RBFOX1: variants seen among roughly 807,000 people sequenced by gnomAD.
RBFOX1 encodes RNA binding fox-1 homolog 1.
Under a neutral mutation model 57.7 loss-of-function variants are expected in RBFOX1, and 8 were observed. That is an observed-to-expected ratio of 0.14 (90% CI 0.08 to 0.25). The LOEUF (loss-of-function observed/expected upper bound fraction) is 0.25. Ranked by LOEUF, RBFOX1 falls within the 10% of genes least tolerant of loss-of-function variation. The pLI is 1.00. For synonymous variants in RBFOX1, 326 were observed against 222.4 expected, an observed-to-expected ratio of 1.47 and a Z score of -4.15; for missense variants, 611 against 548.5, an observed-to-expected ratio of 1.11 and a Z score of -1.14.
chr16:6,088,027 A>T (rs1256960854), intron 1 of RBFOX1, among the ~76,000 whole-genome samples: 1 of 152,148 alleles, frequency 6.6e-6, no homozygotes, highest in Non-Finnish European at 1.5e-5. Flanking sequence ...CTAATCAAGC[A>T]TATTTTCACA....
At chr16:6,197,708 T>C (rs1316670776) in intron 1 of RBFOX1, among the ~76,000 whole-genome samples, 1 of 151,866 alleles carries the variant, frequency 6.6e-6, no homozygotes, top group Non-Finnish European at 1.5e-5. Context: ...AGTCATGTCA[T>C]GGGGATTCGT....
At chr16:7,140,197 T>A (rs2073359419) in intron 4 of RBFOX1, among the ~76,000 whole-genome samples, 1 of 133,946 alleles carries the variant, frequency 7.5e-6, no homozygotes, top group African/African-American at 2.7e-5. Context: ...TCTCTCTCCC[T>A]CCTTCTCCCT....
chr16:7,076,639 C>G (rs899682344), intron 4 of RBFOX1, among the ~76,000 whole-genome samples: 1 of 152,064 alleles, frequency 6.6e-6, no homozygotes, highest in African/African-American at 2.4e-5. Context: ...TTTTTTTCCT[C>G]CCAATAATAT....
At chr16:7,181,340 C>T (rs947662125) in intron 4 of RBFOX1, among the ~76,000 whole-genome samples, 152 of 152,262 alleles carry the variant, frequency 1.0e-3, no homozygotes, top group African/African-American at 3.4e-3. Context: ...CTGCCCTCTC[C>T]AAACCCCTTT....
intron 4 of RBFOX1, among the ~76,000 whole-genome samples, chr16:7,493,986 A>T (rs571128894): frequency 4.6e-5 from 7 of 152,310 alleles, no homozygotes; most frequent in Admixed American, 2.0e-4. Context: ...GAAGAACCAC[A>T]CTGATAAGCA....
At chr16:6,742,768 T>G (rs1408629285) in intron 3 of RBFOX1, among the ~76,000 whole-genome samples, 1 of 152,184 alleles carries the variant, frequency 6.6e-6, no homozygotes, top group Non-Finnish European at 1.5e-5. Context: ...GTCATTTATA[T>G]AACACTTTGA....
intron 1 of RBFOX1, among the ~76,000 whole-genome samples, chr16:5,332,718 A>G (rs114968632): frequency 0.036 from 5,537 of 151,804 alleles, 341 homozygotes; most frequent in African/African-American, 0.13. Flanking sequence ...AATTTTTATT[A>G]CCATGTGTAG....
intron 3 of RBFOX1, among the ~76,000 whole-genome samples, chr16:5,821,296 A>ATT (rs888699204): frequency 7.7e-6 from 1 of 129,344 alleles, no homozygotes; most frequent in Non-Finnish European, 1.6e-5. Flanking sequence ...CTCTTTTTTT[A>ATT]TTTTTTTTTT....
chr16:6,884,430 T>C (rs187669838), intron 3 of RBFOX1, among the ~76,000 whole-genome samples: 1 of 152,264 alleles, frequency 6.6e-6, no homozygotes, highest in Admixed American at 6.5e-5. Context: ...GACAGTAAAG[T>C]CTCTGCCTTC....
At chr16:5,473,840 GGATAGATGGATGGAA>G (rs1174907543) in intron 2 of RBFOX1, among the ~76,000 whole-genome samples, 1 of 149,220 alleles carries the variant, frequency 6.7e-6, no homozygotes, top group Non-Finnish European at 1.5e-5. Flanking sequence ...AAGGGTGGGT[GGATAGATGGATGGAA>G]GGTAGATGGA....
chr16:5,945,203 G>T (rs1312081109), intron 4 of RBFOX1, among the ~76,000 whole-genome samples: 1 of 152,094 alleles, frequency 6.6e-6, no homozygotes, highest in Admixed American at 6.6e-5. Flanking sequence ...ATGCCAGGAA[G>T]TGAACAACTC....
intron 4 of RBFOX1, among the ~76,000 whole-genome samples, chr16:7,090,838 C>G (rs1183026391): frequency 2.6e-5 from 4 of 152,096 alleles, no homozygotes; most frequent in African/African-American, 7.2e-5. Flanking sequence ...GAGCTGAGCA[C>G]CAGGCTACAC....
intron 3 of RBFOX1, among the ~76,000 whole-genome samples, chr16:6,949,864 C>T (rs890117872): frequency 1.5e-4 from 23 of 151,970 alleles, no homozygotes; most frequent in African/African-American, 5.6e-4. Flanking sequence ...TTCCAAGCCC[C>T]TCTGTTGCTG....
intron 4 of RBFOX1, among the ~76,000 whole-genome samples, chr16:7,221,263 G>A (rs546592425): frequency 6.6e-6 from 1 of 152,110 alleles, no homozygotes; most frequent in Non-Finnish European, 1.5e-5. Context: ...ATAGCCACAA[G>A]GAGGGTCTCA....
At chr16:5,465,717 C>G (rs62016428) in intron 1 of RBFOX1, among the ~76,000 whole-genome samples, 3,635 of 152,350 alleles carry the variant, frequency 0.024, 48 homozygotes, top group Non-Finnish European at 0.038. Context: ...TGTTAACACT[C>G]AGGCCTTCAG....
At chr16:7,271,652 T>C (rs553002388) in intron 4 of RBFOX1, among the ~76,000 whole-genome samples, 4 of 152,312 alleles carry the variant, frequency 2.6e-5, no homozygotes, top group Non-Finnish European at 5.9e-5. Context: ...CCATCTGATG[T>C]ACCATTGATG....
At chr16:7,378,497 T>C (rs922884465) in intron 4 of RBFOX1, among the ~76,000 whole-genome samples, 2 of 152,030 alleles carry the variant, frequency 1.3e-5, no homozygotes, top group Admixed American at 6.5e-5. Flanking sequence ...TGTGTAACAT[T>C]TCTGTCTTGG....
At chr16:5,784,435 A>T (rs2054430927) in intron 3 of RBFOX1, among the ~76,000 whole-genome samples, 1 of 151,778 alleles carries the variant, frequency 6.6e-6, no homozygotes, top group South Asian at 2.1e-4. Flanking sequence ...TGAAACAAAA[A>T]AAAAAGAGGA....
At chr16:6,573,283 G>T (rs2097370884) in intron 2 of RBFOX1, among the ~76,000 whole-genome samples, 1 of 152,140 alleles carries the variant, frequency 6.6e-6, no homozygotes, top group Admixed American at 6.5e-5. Context: ...CCTCACCGAA[G>T]TCTGCCAGGG....
Sources: allele counts gnomAD v4.1 joint callset (sites outside exome capture counted in the v4.1 genomes callset), GRCh38; gene constraint gnomAD v4.1.1; transcripts MANE v1.5; gene names NCBI Gene and HGNC (gene_info 2026-07-23, HGNC 2026-07-21).